The following SCN7A variants were observed in gnomAD, a reference collection of about 807,000 sequenced individuals.
SCN7A encodes the protein sodium voltage-gated channel alpha subunit 7, also known as sodium channel protein type 7 subunit alpha.
A neutral mutation model predicts 155.2 loss-of-function variants in SCN7A; 138 were observed. The observed-to-expected ratio is 0.89, with a 90% CI of 0.77 to 1.02. The LOEUF is 1.02. Ranked by LOEUF, SCN7A falls within the 50% of genes least tolerant of loss-of-function variation. The pLI is 0.00. For missense variants in SCN7A, 2,058 were observed against 1,986.6 expected, an observed-to-expected ratio of 1.04 and a Z score of -0.68; for synonymous variants, 693 against 649.0, an observed-to-expected ratio of 1.07 and a Z score of -1.03.
At position 166,404,153 on chromosome 2, in the gene SCN7A, A is replaced by G. The variant is rs1237975064; in HGVS notation, c.*1427T>C. On this transcript the variant is annotated 3_prime_UTR_variant, in exon 26 of 26. Coordinates refer to ENST00000643258, the MANE Select transcript of SCN7A (RefSeq NM_002976.4). ...AGGATGATATTTAAATCAATAATAT[A>G]TAAATTTTCTTTCTGAATCTTTTAG... 1 of 151,952 alleles carries G rather than the reference A, an allele frequency of 6.6e-6. No individual in the cohort carries two copies. The highest frequency in any genetic ancestry group is 1.9e-4 in the East Asian group (1 of 5,170). The allele number at this position is 151,952 out of a possible 1,614,324, so 9.4% of individuals were successfully genotyped here. A position where few individuals can be genotyped will look rare whatever the true frequency, so the allele number is the denominator to read the frequency against.
At chr2:166,451,048 T>C (rs1239314473) in intron 11 of SCN7A, among the ~76,000 whole-genome samples, 1 of 152,154 alleles carries the variant, frequency 6.6e-6, no homozygotes, top group Non-Finnish European at 1.5e-5. Flanking sequence ...ATATCCTTAA[T>C]TGAGATGAAT....
intron 11 of SCN7A, among the ~76,000 whole-genome samples, chr2:166,454,220 CA>C (rs1454811008): frequency 6.6e-6 from 1 of 152,174 alleles, no homozygotes; most frequent in Non-Finnish European, 1.5e-5. Context: ...ACATATCATT[CA>C]AACCCTAATC....
chr2:166,456,298 T>C (rs764149636), intron 11 of SCN7A, among the ~76,000 whole-genome samples: 1 of 152,058 alleles, frequency 6.6e-6, no homozygotes, highest in South Asian at 2.1e-4. Context: ...GGCAGATGTA[T>C]ACCTATGTAA....
chr2:166,443,532 C>G lies in SCN7A; in HGVS notation c.1771G>C (p.Gly591Arg). The G allele has an allele frequency of 6.3e-7, 1 of 1,595,426 alleles. No individual in the cohort carries two copies. Among genetic ancestry groups the G allele is most frequent in the South Asian group, 1.2e-5 (1 of 86,944 alleles). ...LIELCLANVA[G>R]MALLRLFRML... ...CTGAATAATCGAAGAAGAGCCATTC[C>G]TGCAACATTTGCTAGACAAAGTTCT... The change falls in exon 14 of 26, where the codon GGA becomes CGA. Residue 591 changes from glycine (G) to arginine (R), a missense_variant. By Grantham distance (125) the Gly-to-Arg change is moderately radical. Transcript: ENST00000643258.
chr2:166,473,818 T>C lies in SCN7A; in HGVS notation c.424A>G (p.Lys142Glu), dbSNP rs763325881. 2.0e-6 allele frequency: 3 copies of C among 1,527,062 alleles called. No individual in the cohort carries two copies. In the African/African-American group the frequency reaches 4.1e-5, roughly 21 times the overall value. The allele number at this position is 1,527,062 out of a possible 1,614,324, so 94.6% of individuals were successfully genotyped here. A position where few individuals can be genotyped will look rare whatever the true frequency, so the allele number is the denominator to read the frequency against. The change falls in exon 5 of 26, where the codon AAA becomes GAA. Residue 142 changes from lysine (K) to glutamate (E), a missense_variant. Coordinates refer to ENST00000643258, the MANE Select transcript of SCN7A (RefSeq NM_002976.4). ...CVFMSLTNLP[K>E]WRPVLENTLL... ...ACATACTCTAATACTGGTCTCCATTTTGGCAAATTAGTCAGGGACATGAAT... is the reference window on the plus strand; with the variant it reads ...ACATACTCTAATACTGGTCTCCATTCTGGCAAATTAGTCAGGGACATGAAT...
chr2:166,406,695 G>T, intron 25 of SCN7A, 49 bp from the exon 26 acceptor site: 1 of 1,191,176 alleles, frequency 8.4e-7, no homozygotes, highest in Non-Finnish European at 1.2e-6. Context: ...AAACACAATA[G>T]TATTTTGAGG....
At position 166,474,585 on chromosome 2, in the gene SCN7A, C is replaced by T. The variant is rs911619251; in HGVS notation, c.235-241G>A. Among the ~76,000 whole-genome samples, 56 of 151,390 alleles carry T rather than the reference C, an allele frequency of 3.7e-4. 1 individual carries two copies. Among genetic ancestry groups the T allele is most frequent in the East Asian group, 1.9e-4 (1 of 5,158 alleles). ...TTGAGTTTTTTGCTACTGCTACACCCGAGAAAGTTGTTTGTCTCAAGCCAA... is the reference window on the plus strand; with the variant it reads ...TTGAGTTTTTTGCTACTGCTACACCTGAGAAAGTTGTTTGTCTCAAGCCAA... On this transcript the variant is annotated intron_variant, in intron 3 of 25. Transcript: ENST00000643258.
At position 166,405,739 on chromosome 2, in the gene SCN7A, G is replaced by A. The variant is rs546476747; in HGVS notation, c.4890C>T (p.Thr1630=). ...AATTTTTATAAGCACGTTGAATGAT[G>A]GTTGCTGAAACTGCCTCTTGTTTTC... ...LKRKQEAVSA[T]IIQRAYKNYR... Residue 1630 remains threonine (T), a synonymous_variant, in exon 26 of 26, where the codon ACC becomes ACT. Transcript: ENST00000643258. The A allele has an allele frequency of 4.0e-4, 647 of 1,613,044 alleles. 9 individuals are homozygous for A. The South Asian group carries it at 6.6e-3, about 17-fold the overall frequency.
intron 11 of SCN7A, among the ~76,000 whole-genome samples, chr2:166,455,178 G>T (rs192044824): frequency 4.7e-4 from 71 of 152,082 alleles, no homozygotes; most frequent in African/African-American, 1.5e-3. Context: ...ATTATGGAAG[G>T]TTCTGTCACT....
chr2:166,414,485 A>C (rs1395588944), intron 21 of SCN7A: 1 of 137,196 alleles, frequency 7.3e-6, no homozygotes, highest in Non-Finnish European at 1.5e-5. Context: ...ATATATATAT[A>C]TCTCCTATCC....
At chr2:166,483,184 A>G (rs937632938) in intron 2 of SCN7A, among the ~76,000 whole-genome samples, 7 of 152,038 alleles carry the variant, frequency 4.6e-5, no homozygotes, top group Admixed American at 2.6e-4. Context: ...GTATATGGAA[A>G]TGGGGTGAAT....
At position 166,441,473 on chromosome 2, in the gene SCN7A, A is replaced by C; in HGVS notation, c.2080T>G (p.Trp694Gly). The change falls in exon 15 of 26, where the codon TGG becomes GGG. Residue 694 changes from tryptophan to glycine, a missense_variant. Transcript: ENST00000643258. Reference protein sequence around the residue: ...ILCGEWVETLWDCMEVAGQSW... With the variant: ...ILCGEWVETLGDCMEVAGQSW... ...TGGCCTGCAACCTCCATACAGTCCC[A>C]CAAGGTCTCTACCCACTCTCCACAG... 1 of 1,614,058 alleles carries C rather than the reference A, an allele frequency of 6.2e-7. No homozygotes were observed. The highest frequency in any genetic ancestry group is 1.1e-5 in the South Asian group (1 of 91,090).
chr2:166,438,419 G>A (rs753582387), intron 15 of SCN7A, among the ~76,000 whole-genome samples: 5 of 152,058 alleles, frequency 3.3e-5, no homozygotes, highest in Admixed American at 6.6e-5. Flanking sequence ...TTTATTAGCA[G>A]CATGAGAGTG....
intron 5 of SCN7A, among the ~76,000 whole-genome samples, chr2:166,473,147 C>T (rs537024455): frequency 6.6e-6 from 1 of 151,736 alleles, no homozygotes; most frequent in East Asian, 1.9e-4. Flanking sequence ...TGGAACAAAC[C>T]TGCACTTGTG....
intron 25 of SCN7A, 68 bp from the exon 26 acceptor site, chr2:166,406,714 T>C: frequency 9.5e-7 from 1 of 1,049,876 alleles, no homozygotes; most frequent in South Asian, 1.6e-5. Flanking sequence ...GGACTATAAA[T>C]TATTTTACAC....
chr2:166,469,364 A>C lies in SCN7A; in HGVS notation c.664+1251T>G, dbSNP rs185029560. On this transcript the variant is annotated intron_variant, in intron 7 of 25. Coordinates refer to ENST00000643258, the MANE Select transcript of SCN7A (RefSeq NM_002976.4). ...GTCTTAAAGTTAGTTATATTTGCCT[A>C]TATTACTCTCTCATTTCATCTTCTG... Among the ~76,000 whole-genome samples, 5 of 151,884 alleles carry C rather than the reference A, an allele frequency of 3.3e-5. 1 individual carries two copies. The East Asian group carries it at 7.7e-4, about 23-fold the overall frequency.
At chr2:166,470,583 AT>A (rs1559122378) in intron 7 of SCN7A, 31 bp downstream of exon 7, 1 of 1,557,618 alleles carries the variant, frequency 6.4e-7, no homozygotes, top group East Asian at 2.3e-5. Flanking sequence ...ATAAAACAAA[AT>A]GAAGAAAAGA....
chr2:166,405,847 T>G lies in SCN7A; in HGVS notation c.4782A>C (p.Lys1594Asn). 1 of 1,613,138 alleles carries G rather than the reference T, an allele frequency of 6.2e-7. No homozygotes were observed. Among genetic ancestry groups the G allele is most frequent in the Non-Finnish European group, 8.5e-7 (1 of 1,179,386 alleles). ...RVMGQDVRME[K>N]VVSEIESGFL... is the part of the protein sequence containing the mutation. The stretch of plus-strand genomic sequence containing the variant: ...ACCCTGATTCTATTTCTGAAACAAC[T>G]TTCTCCATCCTCACATCTTGACCCA... Residue 1594 changes from lysine (K) to asparagine (N), a missense_variant, in exon 26 of 26, where the codon AAA (lysine) becomes AAC (asparagine). Lys to Asn is a moderately conservative substitution (Grantham distance 94). Transcript: ENST00000643258.
intron 16 of SCN7A, among the ~76,000 whole-genome samples, chr2:166,431,024 T>A (rs1701722417): frequency 6.6e-6 from 1 of 152,048 alleles, no homozygotes; most frequent in African/African-American, 2.4e-5. Flanking sequence ...GCAATTTCAA[T>A]ATTTACAGTT....
Sources: allele counts gnomAD v4.1 joint callset (sites outside exome capture counted in the v4.1 genomes callset), GRCh38; gene constraint gnomAD v4.1.1; transcripts MANE v1.5; gene names NCBI Gene and HGNC (gene_info 2026-07-23, HGNC 2026-07-21).